The following MEMO1 variants were observed in gnomAD, a reference collection of about 807,000 sequenced individuals.
MEMO1 encodes mediator of cell motility 1.
In MEMO1, 6 loss-of-function variants were observed where a neutral mutation model predicts 45.2. That is an observed-to-expected ratio of 0.13 (90% CI 0.07 to 0.26). MEMO1 has a LOEUF of 0.26. Ranked by LOEUF, MEMO1 falls within the 10% of genes least tolerant of loss-of-function variation. The pLI is 1.00. For synonymous variants in MEMO1, 78 were observed against 124.3 expected (o/e 0.63, Z 2.48); for missense variants, 184 against 370.5 (o/e 0.50, Z 4.13).
At chr2:31,928,546 CAAAAA>C (rs11340855) in intron 4 of MEMO1, among the ~76,000 whole-genome samples, 1 of 105,464 alleles carries the variant, frequency 9.5e-6, no homozygotes. Flanking sequence ...GACTCCATCT[CAAAAA>C]AAAAAAAAAA....
At chr2:31,968,219 G>C (rs570578891) in intron 2 of MEMO1, among the ~76,000 whole-genome samples, 51 of 152,186 alleles carry the variant, frequency 3.4e-4, no homozygotes, top group Non-Finnish European at 5.6e-4. Flanking sequence ...ACATCTGTCT[G>C]AGCCAGTTTC....
intron 8 of MEMO1, among the ~76,000 whole-genome samples, chr2:31,877,196 G>A (rs1399070141): frequency 6.6e-6 from 1 of 152,216 alleles, no homozygotes; most frequent in African/African-American, 2.4e-5. Flanking sequence ...TTCTCATGAA[G>A]CTTACGTAAT....
rs145545163 is a variant in MEMO1, at chr2:31,906,729, C to G, written c.437+11197G>C. Among the ~76,000 whole-genome samples, 68 of 152,254 alleles carry G rather than the reference C, an allele frequency of 4.5e-4. 1 individual carries two copies. In the East Asian group the frequency reaches 0.012, roughly 28 times the overall value. ...ATAAAATACAAGTATTTTACAACGG[C>G]ATTCAATTCCCTCCATAATCTGGTT... is the stretch of plus-strand genomic sequence containing the variant. On this transcript the variant is annotated intron_variant, in intron 6 of 9. Coordinates refer to ENST00000404530, the MANE Select transcript of MEMO1 (RefSeq NM_001301833.4).
rs1028943792 is a variant in MEMO1 at position 31,989,068 on chromosome 2, T to G, written c.61+21119A>C. Among the ~76,000 whole-genome samples, 9 of 152,020 alleles carry G rather than the reference T, an allele frequency of 5.9e-5. 1 individual carries two copies. The highest frequency in any genetic ancestry group is 1.2e-4 in the Non-Finnish European group (8 of 67,972). ...CCAAAAATACAAAATTAGCCAGGCA[T>G]GGTGGTATGTGCCTGGAATCCCAGC... On this transcript the variant is annotated intron_variant, in intron 2 of 9. Transcript: ENST00000404530.
intron 2 of MEMO1, among the ~76,000 whole-genome samples, chr2:31,971,861 T>G (rs1368913837): frequency 6.6e-6 from 1 of 151,942 alleles, no homozygotes; most frequent in African/African-American, 2.4e-5. Context: ...TCCCAGCTGC[T>G]CGGGAGGCTG....
intron 2 of MEMO1, among the ~76,000 whole-genome samples, chr2:31,985,924 T>A (rs546201495): frequency 6.6e-6 from 1 of 151,122 alleles, no homozygotes; most frequent in Non-Finnish European, 1.5e-5. Context: ...AGGCCAGGAG[T>A]TCAAGACCAG....
intron 6 of MEMO1, among the ~76,000 whole-genome samples, chr2:31,916,287 G>A (rs1681432654): frequency 6.6e-6 from 1 of 152,136 alleles, no homozygotes; most frequent in South Asian, 2.1e-4. Context: ...GGAGTGCAGT[G>A]CCATAATCTC....
chr2:31,987,570 C>T (rs1260929526), intron 2 of MEMO1, among the ~76,000 whole-genome samples: 2 of 152,182 alleles, frequency 1.3e-5, no homozygotes, highest in African/African-American at 2.4e-5. Context: ...AGACAAATAA[C>T]ATTATAATCT....
intron 4 of MEMO1, 90 bp from the exon 5 acceptor site, chr2:31,921,000 C>CA (rs756244057): frequency 1.6e-4 from 137 of 853,924 alleles, no homozygotes; most frequent in Middle Eastern, 3.0e-4. Context: ...TCTTACAAAT[C>CA]ACTTGTTTTC....
chr2:31,978,374 C>T (rs934510440), intron 2 of MEMO1, among the ~76,000 whole-genome samples: 1 of 152,026 alleles, frequency 6.6e-6, no homozygotes, highest in African/African-American at 2.4e-5. Flanking sequence ...AGCAAGACAG[C>T]AAGACTCTGT....
chr2:31,902,224 C>T (rs1409796314), intron 6 of MEMO1, among the ~76,000 whole-genome samples: 1 of 152,046 alleles, frequency 6.6e-6, no homozygotes, highest in African/African-American at 2.4e-5. Context: ...AGAGACCAGC[C>T]TGGCTCACAT....
chr2:31,945,595 TA>T (rs1666101433), intron 2 of MEMO1, among the ~76,000 whole-genome samples: 1 of 152,214 alleles, frequency 6.6e-6, no homozygotes. Flanking sequence ...GAGATGTATG[TA>T]AATCTTTGTA....
At chr2:31,923,699 GA>G in intron 4 of MEMO1, 1 of 1,547,600 alleles carries the variant, frequency 6.5e-7, no homozygotes, top group Non-Finnish European at 8.7e-7. Context: ...AAGACAGAGA[GA>G]AAGGATATTT....
chr2:31,922,326 T>C (rs1176838080), intron 4 of MEMO1, among the ~76,000 whole-genome samples: 3 of 151,446 alleles, frequency 2.0e-5, no homozygotes, highest in East Asian at 3.9e-4. Context: ...GCTGTGGATA[T>C]TAAGTTGTTC....
At chr2:31,952,834 T>A (rs1211158174) in intron 2 of MEMO1, among the ~76,000 whole-genome samples, 1 of 152,186 alleles carries the variant, frequency 6.6e-6, no homozygotes, top group Non-Finnish European at 1.5e-5. Context: ...AATTTCCTTC[T>A]AGTCTTTAAG....
At chr2:31,875,848 G>A (rs1054258372) in intron 8 of MEMO1, among the ~76,000 whole-genome samples, 1 of 151,806 alleles carries the variant, frequency 6.6e-6, no homozygotes, top group Non-Finnish European at 1.5e-5. Context: ...CACCATGCCC[G>A]ACTAATTTTT....
chr2:31,989,228 CAA>C (rs772035887), intron 2 of MEMO1, among the ~76,000 whole-genome samples: 33 of 80,286 alleles, frequency 4.1e-4, no homozygotes, highest in Non-Finnish European at 4.2e-4. Context: ...AACTCTGTCT[CAA>C]AAAAAAAAAA....
intron 6 of MEMO1, among the ~76,000 whole-genome samples, chr2:31,905,996 G>A (rs1679639117): frequency 6.6e-6 from 1 of 150,836 alleles, no homozygotes; most frequent in African/African-American, 2.4e-5. Flanking sequence ...TTGAGACGGA[G>A]TCTCACTCAC....
At chr2:31,884,034 C>G (rs550795840) in intron 7 of MEMO1, among the ~76,000 whole-genome samples, 1 of 151,706 alleles carries the variant, frequency 6.6e-6, no homozygotes, top group African/African-American at 2.4e-5. Flanking sequence ...GCAACGTGAA[C>G]AGAATACACA....
Sources: gnomAD v4.1 joint callset for allele counts (sites outside exome capture counted in the v4.1 genomes callset) on GRCh38, gnomAD v4.1.1 for gene constraint, MANE v1.5 for transcripts, NCBI Gene and HGNC (gene_info 2026-07-23, HGNC 2026-07-21) for gene names.